Variants in NECTIN3 observed in about 807,000 individuals in gnomAD.
NECTIN3 encodes nectin cell adhesion molecule 3.
In NECTIN3, 8 loss-of-function variants were observed where a neutral mutation model predicts 49.4. The observed-to-expected ratio is 0.16, with a 90% CI of 0.10 to 0.29. NECTIN3 has a LOEUF of 0.29. Ranked by LOEUF, NECTIN3 falls within the 10% of genes least tolerant of loss-of-function variation. The pLI is 1.00. For missense variants in NECTIN3, 581 were observed against 654.6 expected (o/e 0.89, Z 1.23); for synonymous variants, 277 against 241.1 (o/e 1.15, Z -1.38).
At chr3:111,083,402 G>A (rs2031745418) in intron 1 of NECTIN3, among the ~76,000 whole-genome samples, 1 of 152,134 alleles carries the variant, frequency 6.6e-6, no homozygotes, top group Admixed American at 6.5e-5. Flanking sequence ...GTTTAGATGA[G>A]GTCAGGAGGG....
Position 111,110,372 on chromosome 3 carries a change from G to T in NECTIN3, c.161-1658G>T, listed in dbSNP as rs188002847. 7.6e-4 allele frequency among the ~76,000 whole-genome samples: 115 copies of T among 152,072 alleles called. 1 individual carries two copies. The East Asian group carries it at 0.015, about 19-fold the overall frequency. On this transcript the variant is annotated intron_variant, in intron 1 of 5. Coordinates refer to ENST00000485303, the MANE Select transcript of NECTIN3 (RefSeq NM_015480.3). The stretch of plus-strand genomic sequence containing the variant: ...TTAGATTTTCTTTTTAAATCAGATA[G>T]TAAATGGTAAGTTTTATTAAATACC...
intron 7 of NECTIN3, among the ~76,000 whole-genome samples, chr3:111,179,348 C>G (rs1399697527): frequency 1.3e-5 from 2 of 152,150 alleles, no homozygotes; most frequent in African/African-American, 4.8e-5. Flanking sequence ...GCACAGGTTT[C>G]TCAACAAAGC....
At chr3:111,142,915 G>A (rs2034784180) in intron 5 of NECTIN3, among the ~76,000 whole-genome samples, 1 of 151,864 alleles carries the variant, frequency 6.6e-6, no homozygotes, top group Admixed American at 6.6e-5. Context: ...TCCAAGAGAG[G>A]AAGACCTTTA....
At chr3:111,188,967 A>C (rs1394346433), upstream of NECTIN3, among the ~76,000 whole-genome samples, 2 of 152,182 alleles carry the variant, frequency 1.3e-5, no homozygotes, top group African/African-American at 4.8e-5. Flanking sequence ...TTCAGTGTTG[A>C]CTGTACCCCT....
At chr3:111,094,272 T>C (rs143826849) in intron 1 of NECTIN3, among the ~76,000 whole-genome samples, 340 of 152,348 alleles carry the variant, frequency 2.2e-3, no homozygotes, top group African/African-American at 7.5e-3. Context: ...TATACTCTTA[T>C]ACTTCTCAAT....
chr3:111,117,566 GA>G (rs776797092), intron 2 of NECTIN3, among the ~76,000 whole-genome samples: 7 of 151,968 alleles, frequency 4.6e-5, no homozygotes, highest in Non-Finnish European at 7.4e-5. Context: ...ACTACATAAG[GA>G]AAATAATCAT....
At position 111,091,412 on chromosome 3, in the gene NECTIN3, C is replaced by T. The variant is rs958698736; in HGVS notation, c.160+19235C>T. On this transcript the variant is annotated intron_variant, in intron 1 of 5. Transcript: ENST00000485303. ...TGGGACTACAGGCGCCCACTATGCC[C>T]GGCTAATTTTTTGTATTTTTTAGTA... Among the ~76,000 whole-genome samples, 17 of 152,070 alleles carry T rather than the reference C, an allele frequency of 1.1e-4. No individual in the cohort carries two copies. The Middle Eastern group carries it at 0.01, about 91-fold the overall frequency.
chr3:111,122,560 T>C (rs2034000353), intron 4 of NECTIN3, among the ~76,000 whole-genome samples: 1 of 152,172 alleles, frequency 6.6e-6, no homozygotes, highest in South Asian at 2.1e-4. Flanking sequence ...CTCCTTCATT[T>C]ACAAACACAC....
At chr3:111,122,332 A>C in intron 4 of NECTIN3, 94 bp downstream of exon 4, 1 of 876,486 alleles carries the variant, frequency 1.1e-6, no homozygotes, top group South Asian at 2.0e-5. Flanking sequence ...ATACATGATT[A>C]TAGTAATAGC....
chr3:111,078,981 T>C (rs979673937), intron 1 of NECTIN3, among the ~76,000 whole-genome samples: 7 of 152,168 alleles, frequency 4.6e-5, no homozygotes, highest in Admixed American at 4.6e-4. Flanking sequence ...TAAGATAGTC[T>C]ATTTTGTAAT....
chr3:111,107,304 G>A (rs1399596566), intron 1 of NECTIN3, among the ~76,000 whole-genome samples: 1 of 152,138 alleles, frequency 6.6e-6, no homozygotes, highest in African/African-American at 2.4e-5. Flanking sequence ...CATGGTTGTA[G>A]TGTTTTTGTG....
intron 1 of NECTIN3, among the ~76,000 whole-genome samples, chr3:111,075,709 TTATA>T: frequency 6.6e-6 from 1 of 152,254 alleles, no homozygotes; most frequent in African/African-American, 2.4e-5. Flanking sequence ...TAAATTTACT[TTATA>T]TAAATATACA....
At chr3:111,126,905 A>G (rs1025737199) in intron 5 of NECTIN3, among the ~76,000 whole-genome samples, 1 of 152,160 alleles carries the variant, frequency 6.6e-6, no homozygotes, top group Admixed American at 6.5e-5. Context: ...GATTTTTCAC[A>G]TTCTGTTTCA....
rs1440089207 is a variant in NECTIN3, at chr3:111,135,533, T to C, written c.*1318T>C. 5.1e-6 allele frequency: 5 copies of C among 982,472 alleles called. No homozygotes were observed. The African/African-American group carries it at 8.8e-5, about 17-fold the overall frequency. 60.9% of individuals were successfully genotyped at this position (982,472 alleles called of 1,614,324 possible). On this transcript the variant is annotated 3_prime_UTR_variant, in exon 6 of 6. Coordinates refer to ENST00000485303, the MANE Select transcript of NECTIN3 (RefSeq NM_015480.3). ...ACAGTGGAGGCTTACAAAATTATTG[T>C]GACAACTATTTTGAAGCTGAAAGGA...
chr3:111,134,011 A>G lies in NECTIN3; in HGVS notation c.1446A>G (p.Ile482Met). ...KENKNPVNNLIRKDYLEEPEK... is the reference protein window; with the variant it reads ...KENKNPVNNLMRKDYLEEPEK... ...ACAAAAATCCAGTGAACAATCTAAT[A>G]CGTAAAGACTATTTAGAAGAGCCTG... The change falls in exon 6 of 6, where the codon ATA becomes ATG. Residue 482 changes from isoleucine to methionine, a missense_variant. By Grantham distance (10) the Ile-to-Met change is conservative. Transcript: ENST00000485303. 1 of 1,612,902 alleles carries G rather than the reference A, an allele frequency of 6.2e-7. No individual in the cohort carries two copies. Among genetic ancestry groups the G allele is most frequent in the East Asian group, 2.2e-5 (1 of 44,864 alleles).
chr3:111,140,178 C>G (rs1364974112), downstream of NECTIN3, among the ~76,000 whole-genome samples: 2 of 151,678 alleles, frequency 1.3e-5, no homozygotes, highest in Admixed American at 6.6e-5. Flanking sequence ...GTTTTCATCC[C>G]AACCACTATT....
At chr3:111,155,572 CA>C (rs2035080629) in intron 7 of NECTIN3, among the ~76,000 whole-genome samples, 1 of 152,042 alleles carries the variant, frequency 6.6e-6, no homozygotes, top group Admixed American at 6.6e-5. Flanking sequence ...ATGTTTAGAA[CA>C]AAGCAACTAA....
At chr3:111,077,311 A>G (rs892019895) in intron 1 of NECTIN3, 13 of 246,534 alleles carry the variant, frequency 5.3e-5, no homozygotes, top group African/African-American at 3.0e-4. Flanking sequence ...AATGTGAGCC[A>G]TGTGTAAAAA....
At position 111,122,248 on chromosome 3, in the gene NECTIN3, T is replaced by C. The variant is rs770842296; in HGVS notation, c.917+10T>C. 3.8e-5 allele frequency: 60 copies of C among 1,561,926 alleles called. No individual in the cohort carries two copies. The highest frequency in any genetic ancestry group is 3.5e-4 in the Admixed American group (20 of 57,218). Reference sequence around the variant, plus strand: ...AATCTGTGTGGAGCAGGTAATGTTATATACTTCGAAAGAGAAATTATCTAA... The same window carrying C: ...AATCTGTGTGGAGCAGGTAATGTTACATACTTCGAAAGAGAAATTATCTAA... On this transcript the variant is annotated intron_variant, in intron 4 of 5. Coordinates refer to ENST00000485303, the MANE Select transcript of NECTIN3 (RefSeq NM_015480.3).
Sources: allele counts gnomAD v4.1 joint callset (sites outside exome capture counted in the v4.1 genomes callset), GRCh38; gene constraint gnomAD v4.1.1; transcripts MANE v1.5; gene names NCBI Gene and HGNC (gene_info 2026-07-23, HGNC 2026-07-21).